Variants in WDPCP observed in about 807,000 individuals in gnomAD.
WDPCP encodes the protein WD repeat-containing and planar cell polarity effector protein fritz homolog.
In WDPCP, 71 loss-of-function variants were observed where a neutral mutation model predicts 93.1. The observed-to-expected ratio is 0.76, with a 90% CI of 0.63 to 0.93. The LOEUF (loss-of-function observed/expected upper bound fraction) is 0.93. Ranked by LOEUF, WDPCP falls within the 40% of genes least tolerant of loss-of-function variation. The pLI is 0.00. For missense variants in WDPCP, 844 were observed against 887.4 expected (o/e 0.95, Z 0.62); for synonymous variants, 315 against 315.0 (o/e 1.00, Z 0.00).
At chr2:63,497,062 A>C (rs1032156631) in intron 1 of WDPCP, among the ~76,000 whole-genome samples, 3 of 147,102 alleles carry the variant, frequency 2.0e-5, no homozygotes, top group Non-Finnish European at 3.0e-5. Flanking sequence ...CAGTGAGTCA[A>C]GATCATGCCA....
At chr2:63,321,326 A>G (rs1220444245) in intron 12 of WDPCP, among the ~76,000 whole-genome samples, 2 of 8,362 alleles carry the variant, frequency 2.4e-4, no homozygotes, top group African/African-American at 3.5e-3. Flanking sequence ...TTATCAGAGT[A>G]TATATATATA....
chr2:63,199,043 A>T (rs1003073194), intron 14 of WDPCP, among the ~76,000 whole-genome samples: 1 of 152,114 alleles, frequency 6.6e-6, no homozygotes, highest in Non-Finnish European at 1.5e-5. Context: ...TGCTCTGGGG[A>T]TCTGTGGAAC....
chr2:63,446,814 T>A (rs1377007614), intron 6 of WDPCP, among the ~76,000 whole-genome samples: 2 of 152,244 alleles, frequency 1.3e-5, no homozygotes, highest in Admixed American at 6.5e-5. Flanking sequence ...TTAGAACACC[T>A]TCTTGCCTTT....
At chr2:63,589,217 A>G (rs955624292), upstream of WDPCP, 2 of 1,573,532 alleles carry the variant, frequency 1.3e-6, no homozygotes, top group African/African-American at 1.3e-5. Context: ...AGTAATGGGA[A>G]GGGATTGATT....
chr2:63,351,991 A>C (rs1306027983), intron 12 of WDPCP, among the ~76,000 whole-genome samples: 1 of 152,092 alleles, frequency 6.6e-6, no homozygotes. Flanking sequence ...GTATCTTACT[A>C]TAGTTCTGAT....
At chr2:63,469,078 C>T (rs72821630) in intron 6 of WDPCP, among the ~76,000 whole-genome samples, 29,409 of 151,874 alleles carry the variant, frequency 0.19, 3,660 homozygotes, top group Non-Finnish European at 0.25. Flanking sequence ...TACATGCAGC[C>T]GACAACTCTA....
At chr2:63,273,417 G>T (rs1309517449) in intron 13 of WDPCP, among the ~76,000 whole-genome samples, 2 of 148,926 alleles carry the variant, frequency 1.3e-5, no homozygotes. Flanking sequence ...AAAGAATAAA[G>T]AATATACAAA....
chr2:63,559,049 C>G lies in WDPCP; in HGVS notation c.75+29148G>C, dbSNP rs1278780949. On this transcript the variant is annotated intron_variant, in intron 1 of 17. Coordinates refer to ENST00000272321, the MANE Select transcript of WDPCP (RefSeq NM_015910.7). ...AAATCCTCAATAAAATACTGGCAAA[C>G]CGAATCCAGCAGCACATCAAAAAGC... is the stretch of plus-strand genomic sequence containing the variant. Among the ~76,000 whole-genome samples, 11 of 152,150 alleles carry G rather than the reference C, an allele frequency of 7.2e-5. No individual in the cohort carries two copies. In the East Asian group the frequency reaches 1.9e-3, roughly 27 times the overall value.
intron 6 of WDPCP, among the ~76,000 whole-genome samples, chr2:63,463,731 G>T (rs1414018442): frequency 6.6e-6 from 1 of 152,106 alleles, no homozygotes; most frequent in Non-Finnish European, 1.5e-5. Flanking sequence ...AAGACTATTC[G>T]ATGGGGAGAA....
intron 14 of WDPCP, among the ~76,000 whole-genome samples, chr2:63,181,212 T>C (rs1443035304): frequency 6.6e-6 from 1 of 152,186 alleles, no homozygotes; most frequent in East Asian, 1.9e-4. Context: ...AAGTCCCATT[T>C]GTCTATTTGT....
chr2:63,814,014 G>A (rs1226691239), intron 1 of WDPCP, among the ~76,000 whole-genome samples: 5 of 152,106 alleles, frequency 3.3e-5, no homozygotes, highest in African/African-American at 9.7e-5. Flanking sequence ...AAGAACTTCT[G>A]TTTCTGAACA....
intron 14 of WDPCP, among the ~76,000 whole-genome samples, chr2:63,209,098 A>G (rs1020300789): frequency 3.9e-5 from 6 of 152,142 alleles, no homozygotes; most frequent in Admixed American, 2.0e-4. Flanking sequence ...AAAAACAAAA[A>G]CAGTAAGAGT....
rs11344156 is a variant in WDPCP at position 63,120,524 on chromosome 2, A to ATTT, written c.*1479_*1481dup. ...TTGATTATTATTATAGATGTCTATA[A>ATTT]TTTTTTTTTTTTTTTTTTTTGCAAC... On this transcript the variant is annotated 3_prime_UTR_variant, in exon 18 of 18. Transcript: ENST00000272321. Among the ~76,000 whole-genome samples the ATTT allele has an allele frequency of 3.7e-5, 4 of 108,852 alleles. No individual in the cohort carries two copies. The highest frequency in any genetic ancestry group is 2.9e-4 in the South Asian group (1 of 3,422). The allele number at this position is 108,852 out of a possible 152,430, so 71.4% of individuals were successfully genotyped here.
intron 2 of WDPCP, among the ~76,000 whole-genome samples, chr2:63,488,339 A>G (rs1038261312): frequency 6.6e-6 from 1 of 152,090 alleles, no homozygotes; most frequent in Non-Finnish European, 1.5e-5. Flanking sequence ...AGACTTTCTC[A>G]AACTGAATGA....
intron 6 of WDPCP, among the ~76,000 whole-genome samples, chr2:63,451,802 A>C (rs1293672003): frequency 6.6e-6 from 1 of 152,226 alleles, no homozygotes; most frequent in African/African-American, 2.4e-5. Flanking sequence ...ATGCAAATCA[A>C]TAAACGTAAT....
upstream of WDPCP, chr2:63,589,134 G>A (rs1709090852): frequency 5.0e-6 from 8 of 1,613,790 alleles, no homozygotes; most frequent in South Asian, 6.6e-5. Flanking sequence ...TTGGGAGGCA[G>A]CTGTGCAAGG....
intron 12 of WDPCP, among the ~76,000 whole-genome samples, chr2:63,365,801 A>T (rs995571096): frequency 6.6e-6 from 1 of 152,218 alleles, no homozygotes; most frequent in African/African-American, 2.4e-5. Context: ...TGTAAAAAAT[A>T]TAAGTTCATT....
chr2:63,289,735 T>C (rs1346747747), intron 13 of WDPCP, among the ~76,000 whole-genome samples: 1 of 152,000 alleles, frequency 6.6e-6, no homozygotes, highest in African/African-American at 2.4e-5. Context: ...TGAATTATTA[T>C]ATTTATCTAT....
chr2:63,731,993 G>A (rs184050065), intron 2 of WDPCP, among the ~76,000 whole-genome samples: 23 of 152,324 alleles, frequency 1.5e-4, no homozygotes, highest in Admixed American at 1.2e-3. Flanking sequence ...CAAGGCAAAT[G>A]TTACATGGGC....
Sources: allele counts gnomAD v4.1 joint callset (sites outside exome capture counted in the v4.1 genomes callset), GRCh38; gene constraint gnomAD v4.1.1; transcripts MANE v1.5; gene names NCBI Gene and HGNC (gene_info 2026-07-23, HGNC 2026-07-21).